The following TRPM3 variants were observed in gnomAD, a reference collection of about 807,000 sequenced individuals.
The protein encoded by TRPM3 is transient receptor potential cation channel subfamily M member 3, also known as long transient receptor potential channel 3.
Under a neutral mutation model 181.2 loss-of-function variants are expected in TRPM3, and 77 were observed. The observed-to-expected ratio is 0.42, with a 90% confidence interval of 0.35 to 0.51. The LOEUF is 0.51. TRPM3 is among the 20% of genes least tolerant of loss of function. The pLI is 0.01. For missense variants in TRPM3, 1,759 were observed against 2,196.7 expected, an observed-to-expected ratio of 0.80 and a Z score of 3.98; for synonymous variants, 745 against 796.4, an observed-to-expected ratio of 0.94 and a Z score of 1.09.
chr9:71,221,224 T>C (rs2080220468), intron 1 of TRPM3, among the ~76,000 whole-genome samples: 1 of 152,258 alleles, frequency 6.6e-6, no homozygotes, highest in African/African-American at 2.4e-5. Flanking sequence ...CAGTTGCTCT[T>C]GTTCATTAGG....
At chr9:70,848,390 G>A (rs2095071403) in intron 3 of TRPM3, among the ~76,000 whole-genome samples, 1 of 152,136 alleles carries the variant, frequency 6.6e-6, no homozygotes, top group African/African-American at 2.4e-5. Context: ...ATAGGTAGAA[G>A]TAAAAGAGAT....
At chr9:71,032,346 A>T (rs1359898601) in intron 1 of TRPM3, among the ~76,000 whole-genome samples, 1 of 150,308 alleles carries the variant, frequency 6.7e-6, no homozygotes, top group African/African-American at 2.4e-5. Flanking sequence ...GAGCATGATG[A>T]AAGATCTGGA....
At chr9:70,619,870 A>G (rs1317297427) in intron 16 of TRPM3, among the ~76,000 whole-genome samples, 1 of 152,192 alleles carries the variant, frequency 6.6e-6, no homozygotes, top group African/African-American at 2.4e-5. Flanking sequence ...GGAAGTTGAC[A>G]GGATGAAATG....
intron 1 of TRPM3, among the ~76,000 whole-genome samples, chr9:70,989,170 G>T (rs1489729058): frequency 6.6e-6 from 1 of 152,176 alleles, no homozygotes; most frequent in South Asian, 2.1e-4. Flanking sequence ...GGAATCATAT[G>T]TTTATACTTT....
At chr9:71,380,522 C>G (rs2092774054) in intron 1 of TRPM3, among the ~76,000 whole-genome samples, 1 of 152,044 alleles carries the variant, frequency 6.6e-6, no homozygotes, top group Non-Finnish European at 1.5e-5. Flanking sequence ...GTAACCAACT[C>G]AAGCCCACAG....
intron 8 of TRPM3, among the ~76,000 whole-genome samples, chr9:70,760,416 G>A (rs1472726409): frequency 6.7e-6 from 1 of 148,174 alleles, no homozygotes; most frequent in Non-Finnish European, 1.5e-5. Flanking sequence ...CATCCGAGAT[G>A]GGAGGATGTC....
At chr9:70,634,204 GGTTC>G (rs2066448383) in intron 12 of TRPM3, among the ~76,000 whole-genome samples, 3 of 152,090 alleles carry the variant, frequency 2.0e-5, no homozygotes, top group African/African-American at 7.2e-5. Context: ...CCACCTCCCG[GGTTC>G]AAGTGATTCT....
chr9:70,857,580 T>C (rs939222351), intron 3 of TRPM3, among the ~76,000 whole-genome samples: 2 of 152,306 alleles, frequency 1.3e-5, no homozygotes, highest in East Asian at 1.9e-4. Flanking sequence ...CCCACATATA[T>C]ATTTCCCAAC....
intron 19 of TRPM3, among the ~76,000 whole-genome samples, chr9:70,605,278 C>G (rs1202663965): frequency 2.0e-5 from 3 of 152,010 alleles, no homozygotes; most frequent in African/African-American, 7.2e-5. Flanking sequence ...TAATATGACT[C>G]CAAGGTATCT....
At position 70,552,877 on chromosome 9, in the gene TRPM3, C is replaced by G. The variant is rs377602208; in HGVS notation, c.3541G>C (p.Glu1181Gln). ...QHLCCRWRKH[E>Q]SDPDERDYGL... Reference sequence around the variant, plus strand: ...TAGTCCCTTTCATCCGGGTCGCTCTCGTGTTTCCTCCATCGGCAGCACAGG... The same window carrying G: ...TAGTCCCTTTCATCCGGGTCGCTCTGGTGTTTCCTCCATCGGCAGCACAGG... Residue 1181 changes from glutamate (E) to glutamine (Q), a missense_variant, in exon 24 of 26, where the codon GAG becomes CAG. Physicochemically the swap from Glu to Gln is conservative, Grantham distance 29. Transcript: ENST00000677713. The G allele has an allele frequency of 2.5e-6, 4 of 1,614,024 alleles. No homozygotes were observed. Among genetic ancestry groups the G allele is most frequent in the Non-Finnish European group, 3.4e-6 (4 of 1,180,032 alleles).
intron 1 of TRPM3, among the ~76,000 whole-genome samples, chr9:71,232,579 C>T (rs1350952940): frequency 1.4e-5 from 2 of 143,950 alleles, no homozygotes; most frequent in Non-Finnish European, 3.0e-5. Context: ...CCACTCACTG[C>T]AACCTCCGCC....
intron 12 of TRPM3, among the ~76,000 whole-genome samples, chr9:70,627,265 C>CTTTTTTTTTTT (rs1175860330): frequency 2.5e-5 from 2 of 79,580 alleles, no homozygotes; most frequent in African/African-American, 4.7e-5. Context: ...TCCATTGCTG[C>CTTTTTTTTTTT]TTTTTTTTTT....
intron 9 of TRPM3, among the ~76,000 whole-genome samples, chr9:70,668,315 A>C (rs2134021289): frequency 6.6e-6 from 1 of 152,320 alleles, no homozygotes; most frequent in Middle Eastern, 3.4e-3. Flanking sequence ...TGATACTGCT[A>C]GTACCTGCCC....
chr9:71,260,611 T>C (rs1588171791), intron 1 of TRPM3, among the ~76,000 whole-genome samples: 2 of 152,194 alleles, frequency 1.3e-5, no homozygotes, highest in South Asian at 4.1e-4. Context: ...TTGTAAGTTG[T>C]ATTCCAAGGT....
intron 1 of TRPM3, among the ~76,000 whole-genome samples, chr9:71,203,426 A>G (rs745541376): frequency 6.6e-6 from 1 of 152,188 alleles, no homozygotes; most frequent in East Asian, 1.9e-4. Context: ...TTGTACTAAA[A>G]CACAATATAT....
intron 1 of TRPM3, among the ~76,000 whole-genome samples, chr9:70,878,558 C>A (rs538470124): frequency 1.3e-5 from 2 of 152,138 alleles, no homozygotes; most frequent in African/African-American, 2.4e-5. Context: ...GGTAAAGAAT[C>A]TTTTAAAAGA....
At chr9:70,700,251 G>A (rs955567716) in intron 8 of TRPM3, among the ~76,000 whole-genome samples, 1 of 152,196 alleles carries the variant, frequency 6.6e-6, no homozygotes, top group Non-Finnish European at 1.5e-5. Context: ...CCAAAGTGCG[G>A]GGATTATAGG....
At chr9:71,139,690 C>T (rs1416575421) in intron 1 of TRPM3, among the ~76,000 whole-genome samples, 1 of 152,078 alleles carries the variant, frequency 6.6e-6, no homozygotes, top group Non-Finnish European at 1.5e-5. Flanking sequence ...AGTAGTAATA[C>T]CTAATGAATA....
chr9:70,737,631 C>T (rs1000924748), intron 8 of TRPM3, among the ~76,000 whole-genome samples: 1 of 132,586 alleles, frequency 7.5e-6, no homozygotes, highest in African/African-American at 2.9e-5. Flanking sequence ...AGAGACTCAC[C>T]TAACACATAA....
Sources: gnomAD v4.1 joint callset for allele counts (sites outside exome capture counted in the v4.1 genomes callset) on GRCh38, gnomAD v4.1.1 for gene constraint, MANE v1.5 for transcripts, NCBI Gene and HGNC (gene_info 2026-07-23, HGNC 2026-07-21) for gene names.